The following HEMK2 variants were observed in gnomAD, a reference collection of about 807,000 sequenced individuals.
The protein encoded by HEMK2 is HemK methyltransferase 2, ETF1 glutamine and histone H4 lysine.
the HEMK2 span, among the ~76,000 whole-genome samples, chr21:28,733,079 A>G: frequency 2.0e-5 from 3 of 152,230 alleles, no homozygotes; most frequent in East Asian, 5.8e-4. Context: ...GGAGATCAAG[A>G]CCATCCTGGC....
chr21:28,702,337 T>C, the HEMK2 span, among the ~76,000 whole-genome samples: 1 of 151,702 alleles, frequency 6.6e-6, no homozygotes. Flanking sequence ...AAATGTGACC[T>C]AATTAAATTT....
At chr21:28,675,611 A>C in the HEMK2 span, among the ~76,000 whole-genome samples, 1 of 152,252 alleles carries the variant, frequency 6.6e-6, no homozygotes, top group Non-Finnish European at 1.5e-5. Flanking sequence ...ATGATGCATC[A>C]AGATTAATTT....
At chr21:28,730,209 T>A in the HEMK2 span, among the ~76,000 whole-genome samples, 15 of 114,054 alleles carry the variant, frequency 1.3e-4, no homozygotes, top group African/African-American at 6.7e-4. Flanking sequence ...GAGACCCCCA[T>A]TGCCACAAAA....
chr21:28,620,655 C>CTTTTCTTTTTTTTTT, the HEMK2 span, among the ~76,000 whole-genome samples: 1 of 65,538 alleles, frequency 1.5e-5, no homozygotes, highest in African/African-American at 6.2e-5. Context: ...ATTCTTCTCT[C>CTTTTCTTTTTTTTTT]TTTTCTTTTT....
the HEMK2 span, among the ~76,000 whole-genome samples, chr21:28,780,820 C>A: frequency 2.6e-5 from 4 of 152,092 alleles, no homozygotes; most frequent in Non-Finnish European, 5.9e-5. Flanking sequence ...TTATTTCAAC[C>A]CCCCCTCCTG....
At chr21:28,740,094 T>C in the HEMK2 span, among the ~76,000 whole-genome samples, 2 of 152,230 alleles carry the variant, frequency 1.3e-5, no homozygotes, top group African/African-American at 2.4e-5. Context: ...ACACCGTCTA[T>C]AGAAAAAGCA....
chr21:28,762,305 C>G, the HEMK2 span, among the ~76,000 whole-genome samples: 1 of 152,028 alleles, frequency 6.6e-6, no homozygotes, highest in Non-Finnish European at 1.5e-5. Context: ...AGAACATACC[C>G]ATGGATATTT....
chr21:28,756,258 G>A, the HEMK2 span, among the ~76,000 whole-genome samples: 1,110 of 152,252 alleles, frequency 7.3e-3, 12 homozygotes, highest in African/African-American at 0.025. Context: ...CAGCACCACT[G>A]ATGGCTAAAC....
the HEMK2 span, among the ~76,000 whole-genome samples, chr21:28,815,884 A>G: frequency 1.3e-5 from 2 of 151,882 alleles, no homozygotes; most frequent in Non-Finnish European, 2.9e-5. Context: ...CCCTGAATTT[A>G]TATATTGAAG....
chr21:28,624,047 G>C, the HEMK2 span, among the ~76,000 whole-genome samples: 53 of 152,066 alleles, frequency 3.5e-4, no homozygotes, highest in African/African-American at 1.2e-3. Context: ...TCATGAGTAA[G>C]GAAAAACTAG....
the HEMK2 span, among the ~76,000 whole-genome samples, chr21:28,813,621 G>C: frequency 1.3e-5 from 2 of 152,116 alleles, no homozygotes; most frequent in Non-Finnish European, 2.9e-5. Context: ...ATATAGCCAA[G>C]ATAATCGTAA....
At chr21:28,688,577 T>C in the HEMK2 span, among the ~76,000 whole-genome samples, 1 of 151,910 alleles carries the variant, frequency 6.6e-6, no homozygotes, top group South Asian at 2.1e-4. Context: ...GGATGACACA[T>C]ACTAGGTTCT....
the HEMK2 span, among the ~76,000 whole-genome samples, chr21:28,658,101 T>C: frequency 6.6e-6 from 1 of 152,042 alleles, no homozygotes; most frequent in Non-Finnish European, 1.5e-5. Flanking sequence ...AACTCAAGTG[T>C]GCATGTCAAA....
At chr21:28,690,511 T>A in the HEMK2 span, among the ~76,000 whole-genome samples, 6 of 152,166 alleles carry the variant, frequency 3.9e-5, no homozygotes, top group Admixed American at 3.3e-4. Flanking sequence ...ATTGTGGTTT[T>A]TTTAAGCCTC....
At chr21:28,591,850 C>T in the HEMK2 span, among the ~76,000 whole-genome samples, 2 of 152,144 alleles carry the variant, frequency 1.3e-5, no homozygotes, top group Non-Finnish European at 2.9e-5. Context: ...TGACCTCCAG[C>T]TCCATCCATG....
the HEMK2 span, among the ~76,000 whole-genome samples, chr21:28,732,348 G>T: frequency 6.6e-6 from 1 of 152,250 alleles, no homozygotes; most frequent in African/African-American, 2.4e-5. Context: ...GCCAGGCACT[G>T]TGATGTGTGC....
At chr21:28,881,772 C>A in the HEMK2 span, among the ~76,000 whole-genome samples, 1 of 151,952 alleles carries the variant, frequency 6.6e-6, no homozygotes, top group Non-Finnish European at 1.5e-5. Context: ...GCTGGCACGA[C>A]AGGTGCGCAC....
At chr21:28,806,977 G>A in the HEMK2 span, among the ~76,000 whole-genome samples, 1 of 152,142 alleles carries the variant, frequency 6.6e-6, no homozygotes, top group Non-Finnish European at 1.5e-5. Context: ...CAAATATAGA[G>A]CCCTTGAAGG....
At chr21:28,623,860 G>C in the HEMK2 span, among the ~76,000 whole-genome samples, 1 of 152,132 alleles carries the variant, frequency 6.6e-6, no homozygotes, top group Non-Finnish European at 1.5e-5. Flanking sequence ...GAGAGGGATA[G>C]CATTATGAGA....
Sources: allele counts gnomAD v4.1 joint callset (sites outside exome capture counted in the v4.1 genomes callset), GRCh38; gene constraint gnomAD v4.1.1; transcripts MANE v1.5; gene names NCBI Gene and HGNC (gene_info 2026-07-23, HGNC 2026-07-21).